PTPRT: variants seen among roughly 807,000 people sequenced by gnomAD.
PTPRT encodes receptor-type tyrosine-protein phosphatase T.
A neutral mutation model predicts 176.8 loss-of-function variants in PTPRT; 56 were observed. The observed-to-expected ratio is 0.32, with a 90% CI of 0.26 to 0.40. The LOEUF is 0.40. Ranked by LOEUF, PTPRT falls within the 10% of genes least tolerant of loss-of-function variation. The probability of loss-of-function intolerance (pLI) is 1.00; values close to 1 mark genes in which losing one functional copy is unlikely to be tolerated. For missense variants in PTPRT, 1,540 were observed against 1,908.2 expected (o/e 0.81, Z 3.60); for synonymous variants, 783 against 739.0 (o/e 1.06, Z -0.96).
At chr20:42,649,544 G>A (rs1180993785) in intron 7 of PTPRT, among the ~76,000 whole-genome samples, 1 of 152,108 alleles carries the variant, frequency 6.6e-6, no homozygotes, top group Non-Finnish European at 1.5e-5. Context: ...TATAAGCCAA[G>A]TTCATGGAGG....
chr20:42,822,638 T>C (rs2077916277), intron 2 of PTPRT, among the ~76,000 whole-genome samples: 1 of 152,140 alleles, frequency 6.6e-6, no homozygotes, highest in Non-Finnish European at 1.5e-5. Context: ...GAGAAAATTT[T>C]TGCAATCTAC....
intron 2 of PTPRT, among the ~76,000 whole-genome samples, chr20:42,873,691 A>C (rs1470119930): frequency 8.7e-6 from 1 of 114,900 alleles, no homozygotes; most frequent in Non-Finnish European, 2.3e-5. Flanking sequence ...TTTCATACTA[A>C]GTTTTTGAAA....
At chr20:42,639,953 G>A (rs1312365035) in intron 7 of PTPRT, among the ~76,000 whole-genome samples, 6 of 151,920 alleles carry the variant, frequency 3.9e-5, no homozygotes, top group Admixed American at 3.3e-4. Flanking sequence ...CCCCCAACCC[G>A]AATGAAGCTG....
intron 19 of PTPRT, among the ~76,000 whole-genome samples, chr20:42,124,487 C>G (rs940770956): frequency 2.0e-5 from 3 of 152,206 alleles, no homozygotes; most frequent in Admixed American, 2.0e-4. Context: ...CGGGATGGTT[C>G]AGACAGTAAC....
At chr20:42,904,228 G>T (rs1434204124) in intron 1 of PTPRT, among the ~76,000 whole-genome samples, 1 of 152,080 alleles carries the variant, frequency 6.6e-6, no homozygotes, top group Non-Finnish European at 1.5e-5. Flanking sequence ...ATGATCCTAT[G>T]AGAGCAGCCT....
intron 6 of PTPRT, among the ~76,000 whole-genome samples, chr20:42,680,317 A>T (rs1600597217): frequency 6.6e-6 from 1 of 152,372 alleles, no homozygotes; most frequent in African/African-American, 2.4e-5. Context: ...GAAGGAAATT[A>T]AGCAGATTAG....
chr20:42,608,221 A>G (rs1330366543), intron 7 of PTPRT, among the ~76,000 whole-genome samples: 4 of 152,182 alleles, frequency 2.6e-5, no homozygotes, highest in Non-Finnish European at 5.9e-5. Flanking sequence ...TGCCTCATGC[A>G]TCATGGGCAG....
At chr20:42,416,275 A>G (rs1040078311) in intron 9 of PTPRT, among the ~76,000 whole-genome samples, 1 of 152,168 alleles carries the variant, frequency 6.6e-6, no homozygotes, top group African/African-American at 2.4e-5. Flanking sequence ...TGCAGTTACC[A>G]GAAGCTAGAA....
chr20:42,822,851 C>T (rs906478769), intron 2 of PTPRT, among the ~76,000 whole-genome samples: 4 of 152,178 alleles, frequency 2.6e-5, no homozygotes, highest in Non-Finnish European at 5.9e-5. Flanking sequence ...GAGATACCAT[C>T]TCATGCCAGT....
chr20:42,044,633 G>C, the PTPRT span, among the ~76,000 whole-genome samples: 1,236 of 152,312 alleles, frequency 8.1e-3, 19 homozygotes, highest in African/African-American at 0.029. Flanking sequence ...ATAATGTTAA[G>C]TGAATATCTG....
At chr20:42,110,562 G>T (rs1986919259) in intron 22 of PTPRT, 75 bp from the exon 23 acceptor site, 1 of 1,468,816 alleles carries the variant, frequency 6.8e-7, no homozygotes, top group African/African-American at 1.4e-5. Flanking sequence ...TGGAGCCATA[G>T]CTGCTGCACT....
intron 15 of PTPRT, among the ~76,000 whole-genome samples, chr20:42,210,627 T>C (rs2055598979): frequency 6.6e-6 from 1 of 150,382 alleles, no homozygotes; most frequent in African/African-American, 2.4e-5. Flanking sequence ...TACAAACCAC[T>C]GCTCAAGGAA....
intron 7 of PTPRT, among the ~76,000 whole-genome samples, chr20:42,641,082 G>C (rs772017837): frequency 1.3e-5 from 2 of 152,010 alleles, no homozygotes; most frequent in Non-Finnish European, 2.9e-5. Flanking sequence ...CATTACCATA[G>C]TGTTGGGAAT....
chr20:42,649,386 A>G (rs2074987014), intron 7 of PTPRT, among the ~76,000 whole-genome samples: 1 of 152,170 alleles, frequency 6.6e-6, no homozygotes, highest in African/African-American at 2.4e-5. Context: ...TGTGGGAGCT[A>G]CAATTCAAGA....
At chr20:43,059,124 T>G (rs1987355537) in intron 1 of PTPRT, among the ~76,000 whole-genome samples, 2 of 152,220 alleles carry the variant, frequency 1.3e-5, no homozygotes, top group African/African-American at 4.8e-5. Context: ...GAATCAACTT[T>G]AGGGTCATTC....
At chr20:42,566,082 C>G (rs1265181358) in intron 7 of PTPRT, among the ~76,000 whole-genome samples, 1 of 151,702 alleles carries the variant, frequency 6.6e-6, no homozygotes, top group African/African-American at 2.4e-5. Context: ...TTACATTGTG[C>G]ACATGTACCC....
chr20:42,283,332 GA>G (rs1386075005), intron 12 of PTPRT, among the ~76,000 whole-genome samples: 1 of 152,100 alleles, frequency 6.6e-6, no homozygotes, highest in Non-Finnish European at 1.5e-5. Context: ...GTGTAGCAAG[GA>G]AAGTAAAATG....
At chr20:42,562,603 C>G (rs1280942099) in intron 7 of PTPRT, among the ~76,000 whole-genome samples, 2 of 152,200 alleles carry the variant, frequency 1.3e-5, no homozygotes, top group Admixed American at 6.5e-5. Flanking sequence ...GCATTCATTT[C>G]TCCTGCGTTT....
At chr20:42,081,779 TAGC>T (rs1365822080) in intron 30 of PTPRT, 100 bp downstream of exon 30, 2 of 1,426,986 alleles carry the variant, frequency 1.4e-6, no homozygotes, top group Non-Finnish European at 2.0e-6. Flanking sequence ...GGTATACAAT[TAGC>T]AGCCAGGTGT....
Sources: gnomAD v4.1 joint callset for allele counts (sites outside exome capture counted in the v4.1 genomes callset) on GRCh38, gnomAD v4.1.1 for gene constraint, MANE v1.5 for transcripts, NCBI Gene and HGNC (gene_info 2026-07-23, HGNC 2026-07-21) for gene names.